TESK2: variants seen among roughly 807,000 people sequenced by gnomAD.
The protein encoded by TESK2 is dual specificity testis-specific protein kinase 2.
Under a neutral mutation model 57.1 loss-of-function variants are expected in TESK2, and 39 were observed. That is an observed-to-expected ratio of 0.68 (90% confidence interval 0.53 to 0.89). The LOEUF is 0.89. TESK2 is among the 40% of genes least tolerant of loss of function. The pLI, the probability that TESK2 is intolerant of heterozygous loss-of-function variation, is 0.00. For synonymous variants in TESK2, 249 were observed against 267.9 expected (o/e 0.93, Z 0.69); for missense variants, 646 against 732.1 (o/e 0.88, Z 1.36).
chr1:45,366,661 A>T (rs769985429), intron 4 of TESK2, among the ~76,000 whole-genome samples: 3 of 152,162 alleles, frequency 2.0e-5, no homozygotes, highest in Non-Finnish European at 4.4e-5. Context: ...AACTCAGTGA[A>T]ATTGTTGAAC....
chr1:45,473,461 AAAC>A (rs1301170541), intron 1 of TESK2, among the ~76,000 whole-genome samples: 3 of 152,214 alleles, frequency 2.0e-5, no homozygotes, highest in Non-Finnish European at 4.4e-5. Flanking sequence ...CCAAAAGTGG[AAAC>A]AACACACATA....
intron 1 of TESK2, among the ~76,000 whole-genome samples, chr1:45,467,650 T>A (rs1652608343): frequency 1.4e-5 from 2 of 140,720 alleles, no homozygotes; most frequent in South Asian, 4.4e-4. Flanking sequence ...TTTTTTTTTT[T>A]AAGTCTATTG....
chr1:45,398,996 A>AAC, intron 3 of TESK2: 1 of 434,160 alleles, frequency 2.3e-6, no homozygotes, highest in Non-Finnish European at 4.5e-6. Context: ...AAAAAAAAAA[A>AAC]AAAAAAAAAA....
chr1:45,486,492 G>A (rs1653481524), intron 1 of TESK2, among the ~76,000 whole-genome samples: 1 of 151,636 alleles, frequency 6.6e-6, no homozygotes, highest in African/African-American at 2.4e-5. Flanking sequence ...GGCCAACATG[G>A]TGAAACCCCA....
chr1:45,390,567 A>G (rs984420874), intron 3 of TESK2, among the ~76,000 whole-genome samples: 1 of 149,180 alleles, frequency 6.7e-6, no homozygotes. Flanking sequence ...TTCTCTATCT[A>G]TGTTTCTAAG....
intron 4 of TESK2, among the ~76,000 whole-genome samples, chr1:45,367,146 A>T: frequency 6.6e-6 from 1 of 152,146 alleles, no homozygotes; most frequent in South Asian, 2.1e-4. Flanking sequence ...AAAATAAATA[A>T]AATAAAATAA....
chr1:45,423,680 C>T (rs778075867), intron 2 of TESK2, among the ~76,000 whole-genome samples: 24 of 151,860 alleles, frequency 1.6e-4, no homozygotes, highest in Non-Finnish European at 3.2e-4. Context: ...ATCATTTAAA[C>T]ACACTCAAGT....
At chr1:45,479,264 C>T (rs1347970326) in intron 1 of TESK2, among the ~76,000 whole-genome samples, 1 of 152,034 alleles carries the variant, frequency 6.6e-6, no homozygotes, top group Non-Finnish European at 1.5e-5. Flanking sequence ...ATTCTAGTTA[C>T]ACCTAATACA....
intron 1 of TESK2, among the ~76,000 whole-genome samples, chr1:45,476,650 A>AT (rs1449662751): frequency 1.3e-5 from 2 of 151,474 alleles, no homozygotes; most frequent in African/African-American, 4.9e-5. Flanking sequence ...GATCAAGGCC[A>AT]TCCTGGCTAA....
At chr1:45,419,354 T>C (rs1281745675) in intron 3 of TESK2, among the ~76,000 whole-genome samples, 2 of 152,176 alleles carry the variant, frequency 1.3e-5, no homozygotes, top group Non-Finnish European at 2.9e-5. Context: ...TCTACTCAAA[T>C]GGTGGTGTCT....
At position 45,385,449 on chromosome 1, in the gene TESK2, T is replaced by C. The variant is rs370597391; in HGVS notation, c.393+463A>G. Reference sequence around the variant, plus strand: ...AACCAGGAAACCACAGCAGGGACTGTGGAATTCTAGATCAGGACAGCAAAC... The same window carrying C: ...AACCAGGAAACCACAGCAGGGACTGCGGAATTCTAGATCAGGACAGCAAAC... On this transcript the variant is annotated intron_variant, in intron 4 of 10. Transcript: ENST00000372086. 9 of 539,572 alleles carry C rather than the reference T, an allele frequency of 1.7e-5. No individual in the cohort carries two copies. The East Asian group carries it at 4.4e-4, about 26-fold the overall frequency. 33.4% of individuals were successfully genotyped at this position (539,572 alleles called of 1,614,324 possible).
intron 2 of TESK2, among the ~76,000 whole-genome samples, chr1:45,425,489 CA>C (rs944838544): frequency 1.3e-5 from 2 of 151,804 alleles, no homozygotes; most frequent in African/African-American, 2.4e-5. Flanking sequence ...ACTATCTCTA[CA>C]AAAAATACAA....
chr1:45,457,986 CTAAAAAATGTTTTATGTCTT>C (rs1439136687), intron 1 of TESK2, 115 bp from the exon 2 acceptor site: 1 of 545,338 alleles, frequency 1.8e-6, no homozygotes, highest in Non-Finnish European at 3.3e-6. Flanking sequence ...GTTTTCAGAT[CTAAAAAATGTTTTATGTCTT>C]TACCCTCAAA....
At chr1:45,374,519 A>T (rs759108508) in intron 4 of TESK2, among the ~76,000 whole-genome samples, 1 of 152,224 alleles carries the variant, frequency 6.6e-6, no homozygotes, top group African/African-American at 2.4e-5. Context: ...AGGGAGAAAA[A>T]AAAAGCTTAG....
chr1:45,446,431 A>T (rs1015620876), intron 2 of TESK2, among the ~76,000 whole-genome samples: 3 of 152,162 alleles, frequency 2.0e-5, no homozygotes, highest in African/African-American at 7.2e-5. Flanking sequence ...ACTGCACTCC[A>T]GCCTGGGCAA....
At chr1:45,379,939 T>A (rs1648589047) in intron 4 of TESK2, among the ~76,000 whole-genome samples, 1 of 152,108 alleles carries the variant, frequency 6.6e-6, no homozygotes, top group Non-Finnish European at 1.5e-5. Flanking sequence ...CCTAGAGCTC[T>A]GTTGGCTAGA....
At position 45,344,511 on chromosome 1, in the gene TESK2, G is replaced by T; in HGVS notation, c.*329C>A. 3.5e-6 allele frequency: 1 copy of T among 282,050 alleles called. No individual in the cohort carries two copies. Among genetic ancestry groups the T allele is most frequent in the Non-Finnish European group, 6.7e-6 (1 of 148,300 alleles). The allele number at this position is 282,050 out of a possible 1,614,324, so 17.5% of individuals were successfully genotyped here. ...CAGACCTGGGGTGGGGAAAGAACCGGGGTAATAGCTGCCTGCCAGCTCAGC... is the reference window on the plus strand; with the variant it reads ...CAGACCTGGGGTGGGGAAAGAACCGTGGTAATAGCTGCCTGCCAGCTCAGC... On this transcript the variant is annotated 3_prime_UTR_variant, in exon 11 of 11. Coordinates refer to ENST00000372086, the MANE Select transcript of TESK2 (RefSeq NM_007170.3).
Position 45,345,858 on chromosome 1 carries a change from C to T in TESK2, c.997+19G>A. On this transcript the variant is annotated intron_variant, in intron 10 of 10. Coordinates refer to ENST00000372086, the MANE Select transcript of TESK2 (RefSeq NM_007170.3). ...TCCTCCCTTAGGGTTAGGTTGGGCT[C>T]CCTGGTCTAATCTCTTACCCCTGGC... is the stretch of plus-strand genomic sequence containing the variant. The T allele has an allele frequency of 6.2e-7, 1 of 1,602,312 alleles. No homozygotes were observed. The highest frequency in any genetic ancestry group is 8.5e-7 in the Non-Finnish European group (1 of 1,169,900).
In TESK2 at chr1:45,488,123, A is replaced by G. The variant is rs537895395; in HGVS notation, c.-87+2729T>C. On this transcript the variant is annotated intron_variant, in intron 1 of 10. Coordinates refer to ENST00000372086, the MANE Select transcript of TESK2 (RefSeq NM_007170.3). Reference sequence around the variant, plus strand: ...GAGACGAGGTCTCACAATGTTGCCCATGCTGGTCGCAAACTCCTGGGCTCA... The same window carrying G: ...GAGACGAGGTCTCACAATGTTGCCCGTGCTGGTCGCAAACTCCTGGGCTCA... Among the ~76,000 whole-genome samples the G allele has an allele frequency of 1.2e-4, 19 of 152,190 alleles. No individual in the cohort carries two copies. In the East Asian group the frequency reaches 3.5e-3, roughly 28 times the overall value.
Sources: gnomAD v4.1 joint callset for allele counts (sites outside exome capture counted in the v4.1 genomes callset) on GRCh38, gnomAD v4.1.1 for gene constraint, MANE v1.5 for transcripts, NCBI Gene and HGNC (gene_info 2026-07-23, HGNC 2026-07-21) for gene names.